Variants in POU2F3 observed in about 807,000 individuals in gnomAD.
The protein encoded by POU2F3 is POU class 2 homeobox 3, also known as POU domain, class 2, transcription factor 3.
POU2F3 carries 23 observed loss-of-function variants against 59.2 expected under a neutral mutation model. That is an observed-to-expected ratio of 0.39 (90% CI 0.28 to 0.55). The LOEUF (loss-of-function observed/expected upper bound fraction) is 0.55. Ranked by LOEUF, POU2F3 falls within the 20% of genes least tolerant of loss-of-function variation. The pLI is 0.66. For missense variants in POU2F3, 473 were observed against 544.5 expected, an observed-to-expected ratio of 0.87 and a Z score of 1.31; for synonymous variants, 190 against 214.6, an observed-to-expected ratio of 0.89 and a Z score of 1.00.
At chr11:120,313,148 G>A (rs1941693384) in intron 10 of POU2F3, among the ~76,000 whole-genome samples, 1 of 152,170 alleles carries the variant, frequency 6.6e-6, no homozygotes, top group Admixed American at 6.5e-5. Flanking sequence ...AATCTTTAAA[G>A]ATTGGGCTTT....
chr11:120,317,039 G>T lies in POU2F3; in HGVS notation c.1136-190G>T, dbSNP rs188437544. On this transcript the variant is annotated intron_variant, in intron 11 of 12. Transcript: ENST00000543440. Reference sequence around the variant, plus strand: ...CTGGGCTGCAGAGAGCATTTGTGACGACAGCCCCTCTGGGTGTGGGCAGAA... The same window carrying T: ...CTGGGCTGCAGAGAGCATTTGTGACTACAGCCCCTCTGGGTGTGGGCAGAA... 6 of 641,628 alleles carry T rather than the reference G, an allele frequency of 9.4e-6. No homozygotes were observed. The East Asian group carries it at 1.6e-4, about 18-fold the overall frequency. 39.7% of individuals were successfully genotyped at this position (641,628 alleles called of 1,614,324 possible). A position where few individuals can be genotyped will look rare whatever the true frequency, so the allele number is the denominator to read the frequency against.
chr11:120,261,283 A>G (rs1455083487), intron 2 of POU2F3: 2 of 151,676 alleles, frequency 1.3e-5, no homozygotes, highest in Non-Finnish European at 2.9e-5. Flanking sequence ...TTGTGCAATC[A>G]CTTACCCTTG....
chr11:120,311,903 A>G (rs1448230846), intron 10 of POU2F3, among the ~76,000 whole-genome samples: 1 of 152,144 alleles, frequency 6.6e-6, no homozygotes, highest in Admixed American at 6.5e-5. Context: ...GGGACCAGAA[A>G]AGACAAGAAA....
At chr11:120,289,695 A>T (rs115325119) in intron 3 of POU2F3, among the ~76,000 whole-genome samples, 5,784 of 152,158 alleles carry the variant, frequency 0.038, 380 homozygotes, top group African/African-American at 0.13. Flanking sequence ...GCTTCCTGGG[A>T]TGGCTTTCTT....
At chr11:120,265,490 A>G (rs1265861163) in intron 2 of POU2F3, 1 of 152,270 alleles carries the variant, frequency 6.6e-6, no homozygotes, top group Non-Finnish European at 1.5e-5. Flanking sequence ...AATGAATTTG[A>G]TGAGAAGGGG....
In POU2F3 at chr11:120,267,421, G is replaced by T. The variant is rs551324848; in HGVS notation, c.98-1789G>T. Among the ~76,000 whole-genome samples, 13 of 152,258 alleles carry T rather than the reference G, an allele frequency of 8.5e-5. 1 individual carries two copies. In the South Asian group the frequency reaches 2.7e-3, roughly 32 times the overall value. ...GCCACTGCACCCAGCTCCCCTAGCA[G>T]ATCTGATATATCATCATAGCTGATC... On this transcript the variant is annotated intron_variant, in intron 2 of 12. Coordinates refer to ENST00000543440, the MANE Select transcript of POU2F3 (RefSeq NM_014352.4).
intron 8 of POU2F3, 105 bp from the exon 9 acceptor site, chr11:120,307,373 GC>G: frequency 7.7e-7 from 1 of 1,302,514 alleles, no homozygotes; most frequent in Non-Finnish European, 1.1e-6. Flanking sequence ...TCCTGAAAAT[GC>G]CACTGCAGAG....
At chr11:120,239,517 T>C (rs1298228765), upstream of POU2F3, among the ~76,000 whole-genome samples, 1 of 152,102 alleles carries the variant, frequency 6.6e-6, no homozygotes, top group African/African-American at 2.4e-5. Context: ...GGCGGGAGAC[T>C]GGAGGGGCAA....
At chr11:120,295,125 A>G (rs1010171127) in intron 3 of POU2F3, among the ~76,000 whole-genome samples, 1 of 152,170 alleles carries the variant, frequency 6.6e-6, no homozygotes, top group Admixed American at 6.5e-5. Flanking sequence ...CTGAAGGGCA[A>G]TTGATCCAGG....
intron 8 of POU2F3, 83 bp from the exon 9 acceptor site, chr11:120,307,396 G>A: frequency 2.7e-6 from 4 of 1,504,264 alleles, no homozygotes; most frequent in East Asian, 4.5e-5. Flanking sequence ...CCATCGGGAA[G>A]GGTTGTTGGA....
At chr11:120,274,245 A>G (rs1279556839) in intron 3 of POU2F3, among the ~76,000 whole-genome samples, 1 of 152,114 alleles carries the variant, frequency 6.6e-6, no homozygotes, top group African/African-American at 2.4e-5. Context: ...AAGTTCTCCA[A>G]TCTCCATGTG....
In POU2F3 at chr11:120,246,493, A is replaced by G. The variant is rs1366998387; in HGVS notation, c.73A>G (p.Ser25Gly). Reference sequence around the variant, plus strand: ...TGTAGCCGATTCCACGGATGCTCGCAGCACTCTCAGCCAGGTGGAGCCAGG... The same window carrying G: ...TGTAGCCGATTCCACGGATGCTCGCGGCACTCTCAGCCAGGTGGAGCCAGG... ...GDVADSTDAR[S>G]TLSQVEPGND... is the part of the protein sequence containing the mutation. Residue 25 changes from serine to glycine, a missense_variant, in exon 2 of 13, where the codon AGC (serine) becomes GGC (glycine). Coordinates refer to ENST00000543440, the MANE Select transcript of POU2F3 (RefSeq NM_014352.4). The G allele has an allele frequency of 6.2e-7, 1 of 1,613,426 alleles. No individual in the cohort carries two copies. The highest frequency in any genetic ancestry group is 8.5e-7 in the Non-Finnish European group (1 of 1,179,970).
In POU2F3 at chr11:120,317,257, C is replaced by G. The variant is rs760200159; in HGVS notation, c.1164C>G (p.Asn388Lys). The G allele has an allele frequency of 6.2e-7, 1 of 1,614,104 alleles. No homozygotes were observed. The highest frequency in any genetic ancestry group is 8.5e-7 in the Non-Finnish European group (1 of 1,179,940). Residue 388 changes from asparagine to lysine, a missense_variant, in exon 12 of 13, where the codon AAC becomes AAG. Physicochemically the swap from Asn to Lys is moderately conservative, Grantham distance 94. Transcript: ENST00000543440. ...CGTCATCCTGTTCCCCTGGGAACAA[C>G]AGCAGGCCTTCATCTCCTGGCTCAG... is the stretch of plus-strand genomic sequence containing the variant. The part of the protein sequence containing the change: ...TVTSSCSPGN[N>K]SRPSSPGSGL...
intron 2 of POU2F3, among the ~76,000 whole-genome samples, chr11:120,261,764 G>C (rs139158211): frequency 6.6e-6 from 1 of 152,220 alleles, no homozygotes. Flanking sequence ...GTCCTGGTAC[G>C]TTTCAATCAA....
chr11:120,274,096 G>GAAGGAAGA (rs1320120126), intron 3 of POU2F3, among the ~76,000 whole-genome samples: 57 of 82,830 alleles, frequency 6.9e-4, no homozygotes, highest in Non-Finnish European at 8.8e-4. Flanking sequence ...AGAAAGGAAG[G>GAAGGAAGA]AAGGAAGGAA....
Position 120,292,010 on chromosome 11 carries a change from A to G in POU2F3, c.133-6255A>G, listed in dbSNP as rs557793774. On this transcript the variant is annotated intron_variant, in intron 3 of 12. Coordinates refer to ENST00000543440, the MANE Select transcript of POU2F3 (RefSeq NM_014352.4). ...TTTTTAGTAGAGATGGGGTTTCACC[A>G]TGTTAGCCAGGATGGTCTTGATCTC... Among the ~76,000 whole-genome samples the G allele has an allele frequency of 1.8e-4, 28 of 152,040 alleles. 1 individual carries two copies. The highest frequency in any genetic ancestry group is 1.2e-3 in the Admixed American group (19 of 15,270).
chr11:120,273,948 G>A (rs1381562221), intron 3 of POU2F3, among the ~76,000 whole-genome samples: 4 of 152,014 alleles, frequency 2.6e-5, no homozygotes, highest in Non-Finnish European at 4.4e-5. Context: ...AACCTGGGAG[G>A]TGGAGGTGGC....
At chr11:120,266,867 G>A (rs966147234) in intron 2 of POU2F3, among the ~76,000 whole-genome samples, 1 of 152,196 alleles carries the variant, frequency 6.6e-6, no homozygotes, top group Non-Finnish European at 1.5e-5. Context: ...TGAGGCCAGT[G>A]ACTTCCTTCT....
intron 3 of POU2F3, among the ~76,000 whole-genome samples, chr11:120,280,028 T>C (rs1469937985): frequency 6.6e-6 from 1 of 152,176 alleles, no homozygotes; most frequent in East Asian, 1.9e-4. Context: ...CTTCACCTGA[T>C]TGTGCAGGAG....
Sources: gnomAD v4.1 joint callset for allele counts (sites outside exome capture counted in the v4.1 genomes callset) on GRCh38, gnomAD v4.1.1 for gene constraint, MANE v1.5 for transcripts, NCBI Gene and HGNC (gene_info 2026-07-23, HGNC 2026-07-21) for gene names.